MRC1: variants seen among roughly 807,000 people sequenced by gnomAD.
The protein encoded by MRC1 is mannose receptor C-type 1.
In MRC1, 62 loss-of-function variants were observed where a neutral mutation model predicts 102.9. The observed-to-expected ratio is 0.60, with a 90% CI of 0.49 to 0.74. The LOEUF (loss-of-function observed/expected upper bound fraction) is 0.74. Among genes scored for constraint, MRC1 ranks in the 30% least tolerant of loss-of-function variants. MRC1 has a pLI of 0.00. For missense variants in MRC1, 1,237 were observed against 862.8 expected, an observed-to-expected ratio of 1.43 and a Z score of -5.43; for synonymous variants, 457 against 298.4, an observed-to-expected ratio of 1.53 and a Z score of -5.48.
chr10:17,836,291 G>A (rs2461164), intron 4 of MRC1, among the ~76,000 whole-genome samples: 59,696 of 152,006 alleles, frequency 0.39, 12,031 homozygotes, highest in African/African-American at 0.47. Flanking sequence ...TGGATTCATA[G>A]TCTTAGAGAT....
At chr10:17,907,975 G>A (rs1554843996) in intron 28 of MRC1, among the ~76,000 whole-genome samples, 1 of 152,200 alleles carries the variant, frequency 6.6e-6, no homozygotes, top group African/African-American at 2.4e-5. Flanking sequence ...AAACAGTCAG[G>A]AGAGCCCATC....
At chr10:17,855,558 C>G (rs1164861741) in intron 8 of MRC1, among the ~76,000 whole-genome samples, 2 of 107,912 alleles carry the variant, frequency 1.9e-5, no homozygotes, top group African/African-American at 3.7e-5. Flanking sequence ...GGCAACAGAG[C>G]GAGACTCCGT....
intron 11 of MRC1, among the ~76,000 whole-genome samples, chr10:17,865,088 A>G (rs917042464): frequency 1.0e-3 from 159 of 152,348 alleles, no homozygotes; most frequent in African/African-American, 3.7e-3. Flanking sequence ...ATTGTTTAAT[A>G]TGACAACACA....
At chr10:17,837,285 T>C (rs1327421321) in intron 4 of MRC1, among the ~76,000 whole-genome samples, 1 of 152,226 alleles carries the variant, frequency 6.6e-6, no homozygotes, top group Non-Finnish European at 1.5e-5. Context: ...ATGGCATCTC[T>C]AACGAGATTT....
At chr10:17,870,442 G>T in intron 13 of MRC1, 69 bp downstream of exon 13, 1 of 778,800 alleles carries the variant, frequency 1.3e-6, no homozygotes, top group Non-Finnish European at 2.4e-6. Context: ...GAGAAAATTT[G>T]TCTGTTTCTG....
At chr10:17,840,113 C>T (rs1024143842) in intron 4 of MRC1, among the ~76,000 whole-genome samples, 6 of 147,986 alleles carry the variant, frequency 4.1e-5, no homozygotes, top group African/African-American at 1.3e-4. Flanking sequence ...GAGTGTTTAC[C>T]GCTGAAGAGC....
At chr10:17,819,021 C>T (rs1331530055) in intron 1 of MRC1, among the ~76,000 whole-genome samples, 1 of 152,048 alleles carries the variant, frequency 6.6e-6, no homozygotes, top group African/African-American at 2.4e-5. Flanking sequence ...TACAGTGGTT[C>T]CCTTTTGCAG....
chr10:17,898,315 T>A, intron 24 of MRC1, 49 bp downstream of exon 24: 1 of 780,686 alleles, frequency 1.3e-6, no homozygotes, highest in Non-Finnish European at 2.4e-6. Flanking sequence ...TGAATTATGG[T>A]TGAATATGAT....
intron 18 of MRC1, 47 bp from the exon 19 acceptor site, chr10:17,879,674 A>G: frequency 3.8e-6 from 3 of 780,808 alleles, no homozygotes; most frequent in Non-Finnish European, 7.2e-6. Flanking sequence ...GTATCCAATT[A>G]GTCTAATGAT....
At chr10:17,902,872 G>T (rs1833847059) in intron 26 of MRC1, among the ~76,000 whole-genome samples, 1 of 152,122 alleles carries the variant, frequency 6.6e-6, no homozygotes, top group Non-Finnish European at 1.5e-5. Flanking sequence ...ATTGAAGTTT[G>T]CTTTGTCAGT....
intron 2 of MRC1, among the ~76,000 whole-genome samples, chr10:17,824,516 C>T (rs1173914042): frequency 1.3e-5 from 2 of 152,072 alleles, no homozygotes; most frequent in African/African-American, 2.4e-5. Flanking sequence ...TCCATCTAGG[C>T]ACAGAAGAAG....
At chr10:17,814,677 C>G (rs1589161703) in intron 1 of MRC1, among the ~76,000 whole-genome samples, 1 of 85,124 alleles carries the variant, frequency 1.2e-5, no homozygotes, top group Admixed American at 1.4e-4. Context: ...TTCCGTCCCT[C>G]TTTTTTTTTT....
At chr10:17,880,047 T>C (rs2130689706) in intron 19 of MRC1, among the ~76,000 whole-genome samples, 1 of 152,340 alleles carries the variant, frequency 6.6e-6, no homozygotes, top group East Asian at 1.9e-4. Context: ...CTTCCCAAAT[T>C]AGGAACCATT....
intron 27 of MRC1, 125 bp from the exon 28 acceptor site, chr10:17,907,409 G>T (rs1342353471): frequency 1.4e-6 from 1 of 722,528 alleles, no homozygotes; most frequent in African/African-American, 1.7e-5. Context: ...GTTAAGTCTG[G>T]TTATAAATGA....
At chr10:17,870,698 A>T (rs969733192) in intron 13 of MRC1, 150 bp from the exon 14 acceptor site, 1 of 753,098 alleles carries the variant, frequency 1.3e-6, no homozygotes, top group African/African-American at 1.7e-5. Flanking sequence ...CATCTATTGC[A>T]TAAGTCTTCT....
chr10:17,896,592 T>G (rs1017836197), intron 23 of MRC1, among the ~76,000 whole-genome samples: 2 of 152,228 alleles, frequency 1.3e-5, no homozygotes, highest in Admixed American at 1.3e-4. Context: ...TAAGGAAAGA[T>G]TCACAGTATT....
intron 26 of MRC1, among the ~76,000 whole-genome samples, chr10:17,904,571 A>C (rs1018976710): frequency 1.3e-5 from 2 of 152,198 alleles, no homozygotes; most frequent in Non-Finnish European, 2.9e-5. Context: ...ATGTGTATAC[A>C]TGTGGTGTTA....
In MRC1 at chr10:17,834,893, C is replaced by A. The variant is rs935858569; in HGVS notation, c.802+1054C>A. Among the ~76,000 whole-genome samples, 134 of 152,214 alleles carry A rather than the reference C, an allele frequency of 8.8e-4. 1 individual carries two copies. Among genetic ancestry groups the A allele is most frequent in the Middle Eastern group, 3.4e-3 (1 of 294 alleles). ...ATCCCCGATTTCTTGCCCCCAAAAT[C>A]TCCTCCCTCCAGTTTTTCTGGACAC... On this transcript the variant is annotated intron_variant, in intron 4 of 29. Transcript: ENST00000569591.
At chr10:17,861,648 C>G in intron 10 of MRC1, 146 bp downstream of exon 10, 1 of 605,302 alleles carries the variant, frequency 1.7e-6, no homozygotes, top group Non-Finnish European at 3.0e-6. Context: ...AAATAATATT[C>G]TTATTTGGAT....
Sources: allele counts gnomAD v4.1 joint callset (sites outside exome capture counted in the v4.1 genomes callset), GRCh38; gene constraint gnomAD v4.1.1; transcripts MANE v1.5; gene names NCBI Gene and HGNC (gene_info 2026-07-23, HGNC 2026-07-21).